TG: variants seen among roughly 807,000 people sequenced by gnomAD.
TG encodes thyroglobulin, also known as thyroid hormones.
TG carries 270 observed loss-of-function variants against 324.7 expected under a neutral mutation model. That is an observed-to-expected ratio of 0.83 (90% CI 0.75 to 0.92). The LOEUF (loss-of-function observed/expected upper bound fraction) is 0.92. TG is among the 40% of genes least tolerant of loss of function. The pLI, the probability that TG is intolerant of heterozygous loss-of-function variation, is 0.00. For missense variants in TG, 3,591 were observed against 3,456.4 expected (o/e 1.04, Z -0.98); for synonymous variants, 1,401 against 1,327.0 (o/e 1.06, Z -1.21).
chr8:132,971,871 A>C lies in TG; in HGVS notation c.6053A>C (p.Lys2018Thr), dbSNP rs752919118. 6.2e-7 allele frequency: 1 copy of C among 1,608,850 alleles called. No homozygotes were observed. Among genetic ancestry groups the C allele is most frequent in the East Asian group, 2.2e-5 (1 of 44,838 alleles). ...GFGFLNVSQL[K>T]GGEVTCLTLN... ...GGATTTCTAAATGTTTCCCAGTTAA[A>C]AGGTAATAATGGTAACAACTTCCTC... Residue 2018 changes from lysine to threonine, a missense_variant and splice_region_variant, in exon 33 of 48, where the codon AAA (lysine) becomes ACA (threonine). Transcript: ENST00000220616.
chr8:133,127,439 T>G (rs1851605648), intron 45 of TG, among the ~76,000 whole-genome samples: 1 of 152,074 alleles, frequency 6.6e-6, no homozygotes, highest in South Asian at 2.1e-4. Flanking sequence ...CTTGGAGACA[T>G]TATGTGAAAA....
intron 41 of TG, among the ~76,000 whole-genome samples, chr8:133,093,846 A>G (rs1009318774): frequency 2.0e-5 from 3 of 152,216 alleles, no homozygotes; most frequent in Non-Finnish European, 2.9e-5. Flanking sequence ...TAACTGTTAC[A>G]TGGGACAGTA....
intron 16 of TG, among the ~76,000 whole-genome samples, chr8:132,901,932 G>A (rs1817988227): frequency 6.6e-6 from 1 of 152,148 alleles, no homozygotes; most frequent in African/African-American, 2.4e-5. Flanking sequence ...TTGTGGAGGT[G>A]TTGACTTGTT....
Position 133,131,961 on chromosome 8 carries a change from C to T in TG, c.7997+15C>T, listed in dbSNP as rs904999516. On this transcript the variant is annotated intron_variant, in intron 46 of 47. Coordinates refer to ENST00000220616, the MANE Select transcript of TG (RefSeq NM_003235.5). ...ATCAGATCAGGGTAATTTTGGACCACTTGTTCAGAATTCTGTCACTGTGCT... is the reference window on the plus strand; with the variant it reads ...ATCAGATCAGGGTAATTTTGGACCATTTGTTCAGAATTCTGTCACTGTGCT... 3.7e-6 allele frequency: 6 copies of T among 1,613,948 alleles called. No individual in the cohort carries two copies. The highest frequency in any genetic ancestry group is 5.1e-6 in the Non-Finnish European group (6 of 1,179,968).
intron 43 of TG, chr8:133,102,811 C>T (rs1198050095): frequency 6.5e-6 from 3 of 461,754 alleles, no homozygotes; most frequent in South Asian, 2.2e-5. Context: ...CCAAGGAAGG[C>T]GAGAAAAATC....
chr8:132,986,304 T>C (rs1158296949), intron 35 of TG, among the ~76,000 whole-genome samples: 2 of 151,332 alleles, frequency 1.3e-5, no homozygotes, highest in African/African-American at 4.9e-5. Flanking sequence ...TATTGCATTG[T>C]ATATATATAT....
At chr8:133,073,567 T>C (rs1261977185) in intron 41 of TG, among the ~76,000 whole-genome samples, 1 of 152,190 alleles carries the variant, frequency 6.6e-6, no homozygotes, top group African/African-American at 2.4e-5. Flanking sequence ...TGGAGACTAT[T>C]AGTTGCAACA....
intron 37 of TG, among the ~76,000 whole-genome samples, chr8:133,014,936 A>AGTGCAGT (rs1834882398): frequency 6.6e-6 from 1 of 152,110 alleles, no homozygotes; most frequent in African/African-American, 2.4e-5. Flanking sequence ...CTCAGGCTGG[A>AGTGCAGT]GTGCAGTTGC....
At chr8:132,952,177 G>A (rs1413132299) in intron 27 of TG, among the ~76,000 whole-genome samples, 1 of 152,196 alleles carries the variant, frequency 6.6e-6, no homozygotes, top group East Asian at 1.9e-4. Context: ...TACACAGTGA[G>A]GATGATGGTG....
At chr8:132,979,039 T>C (rs867037071) in intron 34 of TG, among the ~76,000 whole-genome samples, 21 of 152,220 alleles carry the variant, frequency 1.4e-4, no homozygotes, top group Middle Eastern at 6.8e-3. Flanking sequence ...GGCTAAGCAA[T>C]GTGAATGCAA....
In TG at chr8:132,994,831, G is replaced by T. The variant is rs1049003477; in HGVS notation, c.6262+11419G>T. ...TGAGATGGGGAAAGAGGAGAGAAGG[G>T]GCTGGGTCAGATGATGGAAAGCATT... On this transcript the variant is annotated intron_variant, in intron 35 of 47. Transcript: ENST00000220616. The T allele has an allele frequency of 1.2e-5, 15 of 1,279,774 alleles. No individual in the cohort carries two copies. The African/African-American group carries it at 1.8e-4, about 16-fold the overall frequency. The allele number at this position is 1,279,774 out of a possible 1,614,324, so 79.3% of individuals were successfully genotyped here.
At chr8:132,995,218 A>C in intron 35 of TG, 1 of 957,368 alleles carries the variant, frequency 1.0e-6, no homozygotes, top group Non-Finnish European at 1.2e-6. Flanking sequence ...TTAAGGTAGA[A>C]TTCACCATGT....
chr8:133,070,833 G>A (rs1466106150), intron 41 of TG, among the ~76,000 whole-genome samples: 2 of 152,236 alleles, frequency 1.3e-5, no homozygotes, highest in Admixed American at 1.3e-4. Context: ...GCTCCTGACC[G>A]TGGTGAAGTT....
chr8:132,937,794 A>G (rs1441420187), intron 25 of TG, among the ~76,000 whole-genome samples: 1 of 151,788 alleles, frequency 6.6e-6, no homozygotes, highest in Non-Finnish European at 1.5e-5. Flanking sequence ...AGAAAGTCCT[A>G]GTGTTTGTTA....
At chr8:132,909,440 G>A (rs1217366224) in intron 18 of TG, among the ~76,000 whole-genome samples, 1 of 152,168 alleles carries the variant, frequency 6.6e-6, no homozygotes, top group Non-Finnish European at 1.5e-5. Context: ...TGGAATCCAG[G>A]GGACTAGAGA....
At chr8:132,929,638 T>C (rs1481355968) in intron 23 of TG, among the ~76,000 whole-genome samples, 5 of 152,164 alleles carry the variant, frequency 3.3e-5, no homozygotes, top group Non-Finnish European at 7.4e-5. Flanking sequence ...AGAGTGTAAG[T>C]GACTTGCTCA....
Position 132,871,356 on chromosome 8 carries a change from T to C in TG, c.283T>C (p.Phe95Leu), listed in dbSNP as rs755914863. ...GCTCCTTGTACCCACAGGTCTGTCA[T>C]TTTGTCAGCTACAGAAACAGCAGAT... The part of the protein sequence containing the change: ...QPGRPVACLS[F>L]CQLQKQQILL... Residue 95 changes from phenylalanine (F) to leucine (L), a missense_variant, in exon 4 of 48, where the codon TTT becomes CTT. Transcript: ENST00000220616. The C allele has an allele frequency of 1.5e-5, 25 of 1,614,106 alleles. No individual in the cohort carries two copies. The South Asian group carries it at 2.7e-4, about 18-fold the overall frequency.
At chr8:133,017,389 A>G (rs1835136033) in intron 37 of TG, among the ~76,000 whole-genome samples, 1 of 152,052 alleles carries the variant, frequency 6.6e-6, no homozygotes, top group African/African-American at 2.4e-5. Context: ...CACCACAGAA[A>G]TGTTGGCTGT....
intron 41 of TG, among the ~76,000 whole-genome samples, chr8:133,045,401 T>TC (rs1472659020): frequency 3.5e-5 from 5 of 141,332 alleles, no homozygotes; most frequent in Non-Finnish European, 7.7e-5. Context: ...TTTTTTTTTT[T>TC]TTTTTTTTTT....
Sources: gnomAD v4.1 joint callset for allele counts (sites outside exome capture counted in the v4.1 genomes callset) on GRCh38, gnomAD v4.1.1 for gene constraint, MANE v1.5 for transcripts, NCBI Gene and HGNC (gene_info 2026-07-23, HGNC 2026-07-21) for gene names.